COG5: variants seen among roughly 807,000 people sequenced by gnomAD.
The protein encoded by COG5 is conserved oligomeric Golgi complex subunit 5.
Under a neutral mutation model 110.4 loss-of-function variants are expected in COG5, and 86 were observed. That is an observed-to-expected ratio of 0.78 (90% CI 0.65 to 0.93). The LOEUF (loss-of-function observed/expected upper bound fraction) is 0.93. COG5 is among the 40% of genes least tolerant of loss of function. The probability of loss-of-function intolerance (pLI) is 0.00; values close to 1 mark genes in which losing one functional copy is unlikely to be tolerated. For synonymous variants in COG5, 360 were observed against 334.6 expected, an observed-to-expected ratio of 1.08 and a Z score of -0.83; for missense variants, 1,077 against 987.0, an observed-to-expected ratio of 1.09 and a Z score of -1.22.
chr7:107,517,962 C>A (rs1231346100), intron 6 of COG5, among the ~76,000 whole-genome samples: 2 of 152,146 alleles, frequency 1.3e-5, no homozygotes, highest in Non-Finnish European at 2.9e-5. Flanking sequence ...TCCCAAAGTG[C>A]TGGGATTACA....
At chr7:107,508,043 G>C (rs1584910183) in intron 6 of COG5, among the ~76,000 whole-genome samples, 1 of 152,224 alleles carries the variant, frequency 6.6e-6, no homozygotes, top group African/African-American at 2.4e-5. Flanking sequence ...AAGACAGTGG[G>C]TGCAACGCAC....
intron 10 of COG5, among the ~76,000 whole-genome samples, chr7:107,342,860 T>C (rs148453782): frequency 1.3e-5 from 2 of 152,296 alleles, no homozygotes; most frequent in African/African-American, 2.4e-5. Flanking sequence ...AGCAATCCCA[T>C]TATTAGGTAT....
chr7:107,521,489 T>C (rs957930890), intron 6 of COG5, among the ~76,000 whole-genome samples: 1 of 152,140 alleles, frequency 6.6e-6, no homozygotes, highest in African/African-American at 2.4e-5. Context: ...AGGTTATGAA[T>C]AGACTCTTCT....
chr7:107,345,163 C>G (rs1183321060), intron 10 of COG5, among the ~76,000 whole-genome samples: 1 of 152,140 alleles, frequency 6.6e-6, no homozygotes, highest in Admixed American at 6.5e-5. Context: ...AGTCAGAACA[C>G]ACACACTTAC....
At chr7:107,488,088 T>G (rs953308761) in intron 6 of COG5, among the ~76,000 whole-genome samples, 4 of 152,024 alleles carry the variant, frequency 2.6e-5, no homozygotes, top group Non-Finnish European at 4.4e-5. Context: ...TATTAAACCA[T>G]TGAAAGCATT....
chr7:107,483,923 T>C (rs1797500730), intron 6 of COG5, among the ~76,000 whole-genome samples: 1 of 150,836 alleles, frequency 6.6e-6, no homozygotes, highest in African/African-American at 2.4e-5. Flanking sequence ...GATTCACAAA[T>C]TCAGTAAGAT....
chr7:107,267,191 A>T (rs1226612154), intron 14 of COG5, among the ~76,000 whole-genome samples: 2 of 152,184 alleles, frequency 1.3e-5, no homozygotes, highest in East Asian at 3.9e-4. Context: ...AATTCCTACC[A>T]CACAAAGCCC....
chr7:107,348,829 G>A (rs916136227), intron 10 of COG5, among the ~76,000 whole-genome samples: 3 of 151,704 alleles, frequency 2.0e-5, no homozygotes, highest in Admixed American at 6.6e-5. Flanking sequence ...ATTTTCCTAT[G>A]TAACCATAGT....
At chr7:107,358,334 A>C (rs1439893561) in intron 10 of COG5, among the ~76,000 whole-genome samples, 1 of 152,230 alleles carries the variant, frequency 6.6e-6, no homozygotes, top group Non-Finnish European at 1.5e-5. Flanking sequence ...AAAACACTGC[A>C]AGTATAGTTG....
chr7:107,559,012 CTA>C (rs746103526), intron 1 of COG5, among the ~76,000 whole-genome samples: 15 of 146,522 alleles, frequency 1.0e-4, no homozygotes, highest in Middle Eastern at 3.6e-3. Flanking sequence ...AAAATTGACT[CTA>C]TATATATATA....
At chr7:107,470,679 G>A (rs1796582339) in intron 6 of COG5, among the ~76,000 whole-genome samples, 1 of 152,044 alleles carries the variant, frequency 6.6e-6, no homozygotes, top group Admixed American at 6.6e-5. Flanking sequence ...GACAGCTTTT[G>A]AGTCACTTCA....
chr7:107,424,586 A>G (rs776535795), intron 6 of COG5, among the ~76,000 whole-genome samples: 1 of 152,108 alleles, frequency 6.6e-6, no homozygotes, highest in Non-Finnish European at 1.5e-5. Flanking sequence ...AACCCCTGAA[A>G]AAAGCATTTT....
In COG5 at chr7:107,396,894, TTAA is replaced by T. The variant is rs537521806; in HGVS notation, c.669+15605_669+15607del. 4.5e-3 allele frequency among the ~76,000 whole-genome samples: 687 copies of T among 152,274 alleles called. 6 individuals are homozygous for T. The highest frequency in any genetic ancestry group is 0.016 in the African/African-American group (651 of 41,560). ...TATAGGAAAATGGAATAATGACAAA[TTAA>T]TGTGGCAAGCCATAAAAACATAGCT... is the stretch of plus-strand genomic sequence containing the variant. On this transcript the variant is annotated intron_variant, in intron 7 of 21. Transcript: ENST00000297135.
chr7:107,227,514 ATTCT>A (rs1032884154), intron 19 of COG5, among the ~76,000 whole-genome samples: 13 of 152,140 alleles, frequency 8.5e-5, no homozygotes, highest in Admixed American at 7.9e-4. Flanking sequence ...TCCTTTAGAG[ATTCT>A]TTCTCTCATG....
rs1798399798 is a variant in COG5, at chr7:107,202,448, C to A, written c.*1068G>T. On this transcript the variant is annotated 3_prime_UTR_variant, in exon 22 of 22. Transcript: ENST00000297135. ...TTGATTTCAGTTCATCACACTTCTTCATGATGTTGCCCCTAAATTTTGCAC... is the reference window on the plus strand; with the variant it reads ...TTGATTTCAGTTCATCACACTTCTTAATGATGTTGCCCCTAAATTTTGCAC... 1 of 152,558 alleles carries A rather than the reference C, an allele frequency of 6.6e-6. No individual in the cohort carries two copies. Among genetic ancestry groups the A allele is most frequent in the South Asian group, 2.1e-4 (1 of 4,830 alleles). The allele number at this position is 152,558 out of a possible 1,614,324, so 9.5% of individuals were successfully genotyped here. A position where few individuals can be genotyped will look rare whatever the true frequency, so the allele number is the denominator to read the frequency against.
intron 11 of COG5, among the ~76,000 whole-genome samples, chr7:107,309,617 T>C (rs1034563401): frequency 2.0e-5 from 3 of 152,148 alleles, no homozygotes; most frequent in Non-Finnish European, 2.9e-5. Flanking sequence ...GGTATCCCAG[T>C]AGGAATACAA....
chr7:107,453,327 A>G (rs1209555516), intron 6 of COG5, among the ~76,000 whole-genome samples: 1 of 152,170 alleles, frequency 6.6e-6, no homozygotes, highest in African/African-American at 2.4e-5. Context: ...GTGAGTTTTG[A>G]GAATTGCTGC....
chr7:107,554,788 A>G (rs1803183609), intron 2 of COG5, among the ~76,000 whole-genome samples: 1 of 152,066 alleles, frequency 6.6e-6, no homozygotes, highest in African/African-American at 2.4e-5. Context: ...CTCCAATATG[A>G]TATGATAGTA....
intron 14 of COG5, chr7:107,258,593 A>G (rs1414255740): frequency 1.7e-6 from 1 of 593,444 alleles, no homozygotes; most frequent in African/African-American, 1.9e-5. Context: ...CTGTGTAGAG[A>G]AAACACCATG....
Sources: gnomAD v4.1 joint callset for allele counts (sites outside exome capture counted in the v4.1 genomes callset) on GRCh38, gnomAD v4.1.1 for gene constraint, MANE v1.5 for transcripts, NCBI Gene and HGNC (gene_info 2026-07-23, HGNC 2026-07-21) for gene names.